Variants in CNIH3 observed in about 807,000 individuals in gnomAD.
CNIH3 encodes protein cornichon homolog 3.
A neutral mutation model predicts 24.1 loss-of-function variants in CNIH3; 14 were observed. That is an observed-to-expected ratio of 0.58 (90% CI 0.38 to 0.91). CNIH3 has a LOEUF of 0.91. Among genes scored for constraint, CNIH3 ranks in the 40% least tolerant of loss-of-function variants. CNIH3 has a pLI of 0.00. For synonymous variants in CNIH3, 68 were observed against 73.8 expected (o/e 0.92, Z 0.40); for missense variants, 178 against 196.8 (o/e 0.90, Z 0.57).
chr1:224,655,000 G>C (rs1300079314), intron 1 of CNIH3, among the ~76,000 whole-genome samples: 1 of 152,194 alleles, frequency 6.6e-6, no homozygotes, highest in African/African-American at 2.4e-5. Context: ...ACATGCAAAG[G>C]GGGTAATTGA....
chr1:224,686,960 C>T (rs929867923), intron 3 of CNIH3, among the ~76,000 whole-genome samples: 1 of 152,204 alleles, frequency 6.6e-6, no homozygotes, highest in African/African-American at 2.4e-5. Context: ...GCCTTTTGCC[C>T]CTTTCATTTG....
intron 1 of CNIH3, among the ~76,000 whole-genome samples, chr1:224,491,615 A>AT (rs1181451733): frequency 4.6e-5 from 7 of 151,350 alleles, no homozygotes; most frequent in African/African-American, 1.2e-4. Flanking sequence ...TTATTTATTT[A>AT]TTTTTTTTGA....
At chr1:224,712,229 C>T (rs1285416192) in intron 3 of CNIH3, among the ~76,000 whole-genome samples, 1 of 152,204 alleles carries the variant, frequency 6.6e-6, no homozygotes, top group Non-Finnish European at 1.5e-5. Flanking sequence ...ATATGCACAG[C>T]ATTTAAAATA....
At position 224,586,102 on chromosome 1, in the gene CNIH3, A is replaced by T. The variant is rs1681496346; in HGVS notation, n.621-2259A>T. Among the ~76,000 whole-genome samples, 4 of 152,220 alleles carry T rather than the reference A, an allele frequency of 2.6e-5. No homozygotes were observed. In the South Asian group the frequency reaches 8.3e-4, roughly 32 times the overall value. On this transcript the variant is annotated intron_variant and non_coding_transcript_variant, in intron 5 of 5. Coordinates refer to the CNIH3 transcript ENST00000471578. ...GAATGGGACTGAGAGGGAAGTTTTC[A>T]TGTGAATGATCTGGTTCTCCCCATG...
At chr1:224,578,526 T>C (rs1681132986) in intron 4 of CNIH3, among the ~76,000 whole-genome samples, 1 of 152,196 alleles carries the variant, frequency 6.6e-6, no homozygotes, top group Admixed American at 6.6e-5. Context: ...GTATCCATTG[T>C]CTTTCTCTTT....
chr1:224,541,211 A>G (rs1679498505), downstream of CNIH3, among the ~76,000 whole-genome samples: 1 of 152,220 alleles, frequency 6.6e-6, no homozygotes, highest in Non-Finnish European at 1.5e-5. Context: ...AAGGGCTGAA[A>G]ATATAGATGA....
chr1:224,654,252 G>T (rs554124876), intron 1 of CNIH3, among the ~76,000 whole-genome samples: 3 of 151,638 alleles, frequency 2.0e-5, no homozygotes, highest in Admixed American at 2.0e-4. Flanking sequence ...TTGTGGTGGC[G>T]CACACCTGTA....
intron 1 of CNIH3, chr1:224,515,927 G>A (rs533863838): frequency 6.6e-6 from 1 of 152,284 alleles, no homozygotes; most frequent in East Asian, 1.9e-4. Flanking sequence ...AGCTTATTAT[G>A]TGTTTAATTG....
chr1:224,592,222 C>T (rs189191888), downstream of CNIH3, among the ~76,000 whole-genome samples: 1 of 151,946 alleles, frequency 6.6e-6, no homozygotes, highest in Admixed American at 6.6e-5. Flanking sequence ...CTGTTTCAGG[C>T]GTCCTTTACA....
At chr1:224,678,004 G>A (rs995693258) in intron 1 of CNIH3, among the ~76,000 whole-genome samples, 1 of 152,204 alleles carries the variant, frequency 6.6e-6, no homozygotes, top group African/African-American at 2.4e-5. Flanking sequence ...CAGGAGCTAG[G>A]AATGGTGAGC....
At chr1:224,497,572 T>C (rs1482021822) in intron 1 of CNIH3, among the ~76,000 whole-genome samples, 1 of 152,226 alleles carries the variant, frequency 6.6e-6, no homozygotes, top group Non-Finnish European at 1.5e-5. Context: ...AGATAATGCA[T>C]ATGACAGACT....
chr1:224,536,501 G>A (rs1459407172), intron 2 of CNIH3, among the ~76,000 whole-genome samples: 1 of 151,872 alleles, frequency 6.6e-6, no homozygotes, highest in African/African-American at 2.4e-5. Flanking sequence ...ATGTTGGTCG[G>A]GCTGGTCTCG....
At chr1:224,488,251 C>T (rs1677101569) in intron 1 of CNIH3, among the ~76,000 whole-genome samples, 1 of 152,080 alleles carries the variant, frequency 6.6e-6, no homozygotes, top group South Asian at 2.1e-4. Context: ...CTACCCCATT[C>T]TATTTCACTC....
rs71170028 is a variant in CNIH3, at chr1:224,674,272, GTTTTTTTTTTTTTTTTTTT to G, written c.82-6669_82-6651del. On this transcript the variant is annotated intron_variant, in intron 1 of 5. Transcript: ENST00000272133. ...AATCGTTTCTTCATCTTCCAGGAAGGTTTTTTTTTTTTTTTTTTTTTTTTTTTTTTTTTTTGCCATAGTA... is the reference window on the plus strand; with the variant it reads ...AATCGTTTCTTCATCTTCCAGGAAGGTTTTTTTTTTTTTTTTGCCATAGTA... Among the ~76,000 whole-genome samples the G allele has an allele frequency of 7.0e-3, 504 of 72,136 alleles. 5 individuals carry two copies. The highest frequency in any genetic ancestry group is 8.0e-3 in the Non-Finnish European group (301 of 37,680). The allele number at this position is 72,136 out of a possible 152,430, so 47.3% of individuals were successfully genotyped here. A position where few individuals can be genotyped will look rare whatever the true frequency, so the allele number is the denominator to read the frequency against.
At chr1:224,478,399 C>T (rs1410654619) in intron 1 of CNIH3, among the ~76,000 whole-genome samples, 2 of 152,038 alleles carry the variant, frequency 1.3e-5, no homozygotes, top group African/African-American at 4.8e-5. Context: ...CTCAAGCTTA[C>T]GGATTCTTTT....
At chr1:224,664,225 C>T (rs1115065) in intron 1 of CNIH3, among the ~76,000 whole-genome samples, 2 of 152,232 alleles carry the variant, frequency 1.3e-5, no homozygotes, top group East Asian at 3.9e-4. Context: ...ATGTGGTGGT[C>T]TAGTGAGTTT....
chr1:224,663,964 G>A (rs757688067), intron 1 of CNIH3, among the ~76,000 whole-genome samples: 3 of 152,206 alleles, frequency 2.0e-5, no homozygotes, highest in Non-Finnish European at 4.4e-5. Context: ...AAATGCCAGG[G>A]GTTTGGTCTA....
intron 1 of CNIH3, 109 bp from the exon 2 acceptor site, chr1:224,680,849 C>T: frequency 2.5e-6 from 2 of 807,012 alleles, no homozygotes; most frequent in Non-Finnish European, 4.3e-6. Flanking sequence ...ATGCCATCTA[C>T]AGCCTCTTCC....
At chr1:224,589,337 A>G (rs1681651573), downstream of CNIH3, among the ~76,000 whole-genome samples, 1 of 152,208 alleles carries the variant, frequency 6.6e-6, no homozygotes, top group African/African-American at 2.4e-5. Context: ...AACACACAGC[A>G]TCATGTTTAT....
Sources: gnomAD v4.1 joint callset for allele counts (sites outside exome capture counted in the v4.1 genomes callset) on GRCh38, gnomAD v4.1.1 for gene constraint, MANE v1.5 for transcripts, NCBI Gene and HGNC (gene_info 2026-07-23, HGNC 2026-07-21) for gene names.